Variants in SMAP1 observed in about 807,000 individuals in gnomAD.
SMAP1 encodes stromal membrane-associated protein 1.
Under a neutral mutation model 58.5 loss-of-function variants are expected in SMAP1, and 24 were observed. That is an observed-to-expected ratio of 0.41 (90% CI 0.30 to 0.58). The LOEUF (loss-of-function observed/expected upper bound fraction) is 0.58. Among genes scored for constraint, SMAP1 ranks in the 20% least tolerant of loss-of-function variants. SMAP1 has a pLI of 0.29. For synonymous variants in SMAP1, 216 were observed against 196.6 expected, an observed-to-expected ratio of 1.10 and a Z score of -0.82; for missense variants, 563 against 566.3, an observed-to-expected ratio of 0.99 and a Z score of 0.06.
intron 2 of SMAP1, among the ~76,000 whole-genome samples, chr6:70,738,851 T>C (rs998854176): frequency 6.6e-6 from 1 of 152,176 alleles, no homozygotes; most frequent in Non-Finnish European, 1.5e-5. Context: ...TAAATTGAGA[T>C]GTTTAGGATT....
chr6:70,829,037 C>T (rs1003741522), intron 6 of SMAP1, among the ~76,000 whole-genome samples: 1 of 152,088 alleles, frequency 6.6e-6, no homozygotes, highest in African/African-American at 2.4e-5. Context: ...TAGAGTGCAC[C>T]GTGTTTCCTA....
intron 2 of SMAP1, among the ~76,000 whole-genome samples, chr6:70,740,214 C>CT (rs1765758444): frequency 6.6e-6 from 1 of 152,072 alleles, no homozygotes; most frequent in African/African-American, 2.4e-5. Context: ...TTCAAGATAG[C>CT]TTTTTTAACT....
intron 7 of SMAP1, among the ~76,000 whole-genome samples, chr6:70,840,144 A>C (rs1357123881): frequency 1.3e-5 from 2 of 152,232 alleles, no homozygotes; most frequent in Non-Finnish European, 2.9e-5. Context: ...TTAACTTAAA[A>C]CATTTCCAGA....
In SMAP1 at chr6:70,681,299, G is replaced by A. The variant is rs557599928; in HGVS notation, c.118+13158G>A. Reference sequence around the variant, plus strand: ...TAAAAAAAAATAGCTGGGTGTGGTGGCACGTGCCTGTGGTGCCAGCTATTT... The same window carrying A: ...TAAAAAAAAATAGCTGGGTGTGGTGACACGTGCCTGTGGTGCCAGCTATTT... On this transcript the variant is annotated intron_variant, in intron 1 of 10. Coordinates refer to ENST00000370455, the MANE Select transcript of SMAP1 (RefSeq NM_001044305.3). 7.2e-5 allele frequency among the ~76,000 whole-genome samples: 11 copies of A among 152,148 alleles called. No individual in the cohort carries two copies. In the South Asian group the frequency reaches 2.1e-3, roughly 29 times the overall value.
At chr6:70,847,221 C>G (rs1250702853) in intron 7 of SMAP1, among the ~76,000 whole-genome samples, 2 of 152,166 alleles carry the variant, frequency 1.3e-5, no homozygotes, top group Non-Finnish European at 2.9e-5. Flanking sequence ...TGACAAGAGA[C>G]TGGCCCTCAT....
intron 3 of SMAP1, among the ~76,000 whole-genome samples, chr6:70,764,847 T>C (rs1218791524): frequency 4.6e-5 from 7 of 152,202 alleles, no homozygotes; most frequent in African/African-American, 1.7e-4. Flanking sequence ...TTGCCCAGGC[T>C]GGAATGCAGT....
intron 6 of SMAP1, among the ~76,000 whole-genome samples, chr6:70,824,948 C>T (rs1770049957): frequency 6.6e-6 from 1 of 152,158 alleles, no homozygotes; most frequent in Admixed American, 6.5e-5. Flanking sequence ...GCTTTTGAAG[C>T]AAGTTCTAAT....
At chr6:70,810,011 A>T (rs1284006896) in intron 6 of SMAP1, among the ~76,000 whole-genome samples, 1 of 152,202 alleles carries the variant, frequency 6.6e-6, no homozygotes, top group African/African-American at 2.4e-5. Context: ...GCTAGGAGGC[A>T]TTAAAAAAGA....
chr6:70,747,204 T>C (rs2149880100), intron 2 of SMAP1, among the ~76,000 whole-genome samples: 1 of 152,290 alleles, frequency 6.6e-6, no homozygotes, highest in East Asian at 1.9e-4. Flanking sequence ...TTTTAAAAAA[T>C]ATTGTATTAT....
At chr6:70,727,172 G>C (rs1768828843) in intron 1 of SMAP1, among the ~76,000 whole-genome samples, 1 of 151,922 alleles carries the variant, frequency 6.6e-6, no homozygotes, top group Non-Finnish European at 1.5e-5. Context: ...AATTGGCAGG[G>C]TCTCGGCTCA....
intron 7 of SMAP1, among the ~76,000 whole-genome samples, chr6:70,839,031 G>T (rs1770706233): frequency 6.6e-6 from 1 of 152,142 alleles, no homozygotes; most frequent in Admixed American, 6.5e-5. Context: ...GAATAGCCCG[G>T]AGTGGATGGG....
intron 1 of SMAP1, among the ~76,000 whole-genome samples, chr6:70,689,577 AT>A (rs1225706406): frequency 6.6e-6 from 1 of 152,142 alleles, no homozygotes; most frequent in Non-Finnish European, 1.5e-5. Flanking sequence ...TTTCATATGA[AT>A]TTTAGAATCA....
At chr6:70,801,345 TG>T (rs1413098821) in intron 6 of SMAP1, among the ~76,000 whole-genome samples, 1 of 152,210 alleles carries the variant, frequency 6.6e-6, no homozygotes, top group East Asian at 1.9e-4. Context: ...TCATATCCTT[TG>T]CCCACTTTTT....
chr6:70,675,650 C>CAAAAAA, intron 1 of SMAP1, among the ~76,000 whole-genome samples: 1 of 82,528 alleles, frequency 1.2e-5, no homozygotes, highest in Admixed American at 1.4e-4. Flanking sequence ...GACTCCATCT[C>CAAAAAA]AAAAAAAAAA....
Position 70,800,976 on chromosome 6 carries a change from A to G in SMAP1, c.576+2239A>G, listed in dbSNP as rs545885352. 2.1e-4 allele frequency among the ~76,000 whole-genome samples: 32 copies of G among 152,338 alleles called. No individual in the cohort carries two copies. In the East Asian group the frequency reaches 4.6e-3, roughly 22 times the overall value. ...TATTGTGAATAGTGCCACAATAAAC[A>G]TAAGTGTGCATGTGTCTTTATAGTA... On this transcript the variant is annotated intron_variant, in intron 6 of 10. Transcript: ENST00000370455.
chr6:70,799,029 A>C (rs1473057715), intron 6 of SMAP1, among the ~76,000 whole-genome samples: 1 of 152,084 alleles, frequency 6.6e-6, no homozygotes, highest in Non-Finnish European at 1.5e-5. Flanking sequence ...CAGACTTAGA[A>C]GACTTAGAAT....
chr6:70,721,642 A>G (rs181919852), intron 1 of SMAP1, among the ~76,000 whole-genome samples: 7 of 152,116 alleles, frequency 4.6e-5, no homozygotes, highest in Non-Finnish European at 8.8e-5. Flanking sequence ...ATCTGTTTTC[A>G]TGCTGCTGAT....
rs1027055986 is a variant in SMAP1 at position 70,844,059 on chromosome 6, G to A, written c.664+7031G>A. Among the ~76,000 whole-genome samples the A allele has an allele frequency of 6.6e-5, 10 of 152,306 alleles. No individual in the cohort carries two copies. The East Asian group carries it at 1.9e-3, about 29-fold the overall frequency. On this transcript the variant is annotated intron_variant, in intron 7 of 10. Transcript: ENST00000370455. ...AGGGAAACAGTGATTGCAAAGCATG[G>A]TCTGTGGCCTCTGATGGATTTGCAG...
chr6:70,679,117 C>T (rs867002436), intron 1 of SMAP1, among the ~76,000 whole-genome samples: 2 of 151,706 alleles, frequency 1.3e-5, no homozygotes, highest in African/African-American at 2.4e-5. Context: ...TCTGCCTCCC[C>T]GGTTCAAGCG....
Sources: gnomAD v4.1 joint callset for allele counts (sites outside exome capture counted in the v4.1 genomes callset) on GRCh38, gnomAD v4.1.1 for gene constraint, MANE v1.5 for transcripts, NCBI Gene and HGNC (gene_info 2026-07-23, HGNC 2026-07-21) for gene names.